Variants in MPO observed in about 807,000 individuals in gnomAD.
MPO encodes myeloperoxidase.
In MPO, 57 loss-of-function variants were observed where a neutral mutation model predicts 69.4. That is an observed-to-expected ratio of 0.82 (90% confidence interval 0.66 to 1.02). The LOEUF (loss-of-function observed/expected upper bound fraction) is 1.02, where lower values mean the gene tolerates loss of function less well. Among genes scored for constraint, MPO ranks in the 50% least tolerant of loss-of-function variants. The pLI is 0.00. For synonymous variants in MPO, 426 were observed against 417.1 expected (o/e 1.02, Z -0.26); for missense variants, 971 against 1,014.1 (o/e 0.96, Z 0.58).
chr17:58,270,174 G>A lies in MPO; in HGVS notation c.*482C>T. 6.9e-6 allele frequency: 2 copies of A among 290,836 alleles called. No individual in the cohort carries two copies. The highest frequency in any genetic ancestry group is 1.3e-5 in the Non-Finnish European group (2 of 149,156). 18.0% of individuals were successfully genotyped at this position (290,836 alleles called of 1,614,324 possible). A position where few individuals can be genotyped will look rare whatever the true frequency, so the allele number is the denominator to read the frequency against. On this transcript the variant is annotated 3_prime_UTR_variant, in exon 12 of 12. Coordinates refer to ENST00000225275, the MANE Select transcript of MPO (RefSeq NM_000250.2). The surrounding 1 kb of genome is among the most constrained non-coding windows in gnomAD (Gnocchi z 4.1). ...CGCCTAGTACAGTGCCTTGCATGTA[G>A]TAGGTGCTCAATAAATGAAGAACCA... is the stretch of plus-strand genomic sequence containing the variant.
Position 58,279,437 on chromosome 17 carries a change from G to T in MPO, c.549-11C>A. On this transcript the variant is annotated splice_polypyrimidine_tract_variant and intron_variant, in intron 4 of 11. Coordinates refer to ENST00000225275, the MANE Select transcript of MPO (RefSeq NM_000250.2). Reference sequence around the variant, plus strand: ...AGCGTGGGGCTGCGTCTGCAGGGGAGGACAGGGCGCTGACACCGGGAGGCT... The same window carrying T: ...AGCGTGGGGCTGCGTCTGCAGGGGATGACAGGGCGCTGACACCGGGAGGCT... 6.2e-7 allele frequency: 1 copy of T among 1,611,210 alleles called. No individual in the cohort carries two copies. The highest frequency in any genetic ancestry group is 8.5e-7 in the Non-Finnish European group (1 of 1,179,030).
chr17:58,275,811 C>T lies in MPO; in HGVS notation c.1205-109G>A. Reference sequence around the variant, plus strand: ...GGCCTGAAATGCCTCCTACTCACCCCTCCTCCCCATCCATCTTTTCAAACT... The same window carrying T: ...GGCCTGAAATGCCTCCTACTCACCCTTCCTCCCCATCCATCTTTTCAAACT... On this transcript the variant is annotated intron_variant, in intron 7 of 11. Transcript: ENST00000225275. The surrounding 1 kb of genome is among the most constrained non-coding windows in gnomAD (Gnocchi z 4.1). The T allele has an allele frequency of 2.3e-6, 3 of 1,303,644 alleles. No individual in the cohort carries two copies. The highest frequency in any genetic ancestry group is 3.2e-6 in the Non-Finnish European group (3 of 924,330). 80.8% of individuals were successfully genotyped at this position (1,303,644 alleles called of 1,614,324 possible).
chr17:58,280,134 T>G (rs1970497818), intron 2 of MPO, 120 bp from the exon 3 acceptor site: 1 of 1,349,056 alleles, frequency 7.4e-7, no homozygotes, highest in South Asian at 1.2e-5. Flanking sequence ...GAGGAAGGCT[T>G]CCTTTTATAA....
chr17:58,276,449 C>G (rs374807699), intron 7 of MPO, among the ~76,000 whole-genome samples: 6 of 152,312 alleles, frequency 3.9e-5, no homozygotes, highest in African/African-American at 1.4e-4. Flanking sequence ...CTCCCAGAAC[C>G]CTTCTCTGCA....
chr17:58,270,529 G>A lies in MPO; in HGVS notation c.*127C>T, dbSNP rs775170924. On this transcript the variant is annotated 3_prime_UTR_variant, in exon 12 of 12. Transcript: ENST00000225275. This position sits in a 1 kb window ranked among gnomAD's most constrained non-coding sequence, Gnocchi z 4.1. The stretch of plus-strand genomic sequence containing the variant: ...CACATACATGAGCACACAAATGAAC[G>A]TCTAGTCACTCATTTTCTCAGCTGC... The A allele has an allele frequency of 2.4e-5, 19 of 801,586 alleles. No homozygotes were observed. The highest frequency in any genetic ancestry group is 4.1e-5 in the Non-Finnish European group (19 of 466,546). 49.7% of individuals were successfully genotyped at this position (801,586 alleles called of 1,614,324 possible).
At chr17:58,280,217 C>T in intron 2 of MPO, 149 bp downstream of exon 2, 1 of 1,029,342 alleles carries the variant, frequency 9.7e-7, no homozygotes, top group Non-Finnish European at 1.5e-6. Flanking sequence ...GTTCTCCCAT[C>T]CAGAAACACA....
In MPO at chr17:58,271,790, T is replaced by G. The variant is rs113300450; in HGVS notation, c.1895A>C (p.Glu632Ala). 2 of 1,614,136 alleles carry G rather than the reference T, an allele frequency of 1.2e-6. No individual in the cohort carries two copies. Among genetic ancestry groups the G allele is most frequent in the Non-Finnish European group, 1.7e-6 (2 of 1,180,030 alleles). The change falls in exon 11 of 12, where the codon GAG (glutamate) becomes GCG (alanine). Residue 632 changes from glutamate (E) to alanine (A), a missense_variant. Physicochemically the swap from Glu to Ala is moderately radical, Grantham distance 107. Transcript: ENST00000225275. ...GATGTTGTTGGGCGTGCCATACTGC[T>G]CCATCAGTTTCCTCGCCAATTTCAG... ...RNLKLARKLM[E>A]QYGTPNNIDI...
intron 4 of MPO, 31 bp downstream of exon 4, chr17:58,279,492 G>C (rs771316671): frequency 3.7e-6 from 6 of 1,612,942 alleles, no homozygotes; most frequent in African/African-American, 1.3e-5. Flanking sequence ...CTCTGAGCCC[G>C]GTTCCTGCAG....
Position 58,279,017 on chromosome 17 carries a change from G to A in MPO, c.876C>T (p.Phe292=), listed in dbSNP as rs762708426. The change falls in exon 6 of 12, where the codon TTC becomes TTT. Residue 292 remains phenylalanine (F), a synonymous_variant. Transcript: ENST00000225275. ...ETSCVQQPPC[F]PLKIPPNDPR... is the part of the protein sequence containing the mutation. Reference sequence around the variant, plus strand: ...CGGGAAGCAGGGCCACCTTGAGCGGGAAGCAGGGCGGCTGCTGAACGCAGC... The same window carrying A: ...CGGGAAGCAGGGCCACCTTGAGCGGAAAGCAGGGCGGCTGCTGAACGCAGC... 6.2e-7 allele frequency: 1 copy of A among 1,609,688 alleles called. No individual in the cohort carries two copies. The highest frequency in any genetic ancestry group is 1.7e-5 in the Admixed American group (1 of 59,720).
Position 58,271,863 on chromosome 17 carries a change from G to T in MPO, c.1822C>A (p.Leu608Ile). 2 of 1,614,140 alleles carry T rather than the reference G, an allele frequency of 1.2e-6. No homozygotes were observed. The highest frequency in any genetic ancestry group is 1.7e-6 in the Non-Finnish European group (2 of 1,180,038). Residue 608 changes from leucine (L) to isoleucine (I), a missense_variant, in exon 11 of 12, where the codon CTC (leucine) becomes ATC (isoleucine). Leu to Ile is a conservative substitution (Grantham distance 5). Transcript: ENST00000225275. The part of the protein sequence containing the change: ...GYNAWRRFCG[L>I]PQPETVGQLG... Reference sequence around the variant, plus strand: ...TGGCCCACAGTTTCAGGCTGCGGGAGCCCACAGAAGCGCCTCCAGGCATTG... The same window carrying T: ...TGGCCCACAGTTTCAGGCTGCGGGATCCCACAGAAGCGCCTCCAGGCATTG...
intron 8 of MPO, 46 bp from the exon 9 acceptor site, chr17:58,273,715 A>T (rs1222082176): frequency 8.7e-6 from 14 of 1,613,928 alleles, no homozygotes; most frequent in Non-Finnish European, 1.2e-5. Flanking sequence ...ACTCCTCCAC[A>T]GCAAATGCCG....
chr17:58,274,259 T>C (rs1433872312), intron 8 of MPO: 7 of 467,678 alleles, frequency 1.5e-5, no homozygotes, highest in Non-Finnish European at 3.0e-5. Context: ...AGAAGTTATT[T>C]TGGAGTGTAA....
In MPO at chr17:58,272,867, T is replaced by C; in HGVS notation, c.1673A>G (p.Asn558Ser). ...ATCCACTGCAATTTGGTTCTGACGA[T>C]TCAGCTTGGCAGGGGTGGCCATGAG... ...RGLMATPAKL[N>S]RQNQIAVDEI... Residue 558 changes from asparagine (N) to serine (S), a missense_variant, in exon 10 of 12, where the codon AAT becomes AGT. By Grantham distance (46) the Asn-to-Ser change is conservative. Transcript: ENST00000225275. 1 of 1,614,186 alleles carries C rather than the reference T, an allele frequency of 6.2e-7. No homozygotes were observed. Among genetic ancestry groups the C allele is most frequent in the Non-Finnish European group, 8.5e-7 (1 of 1,180,044 alleles).
At chr17:58,276,738 A>G (rs1389472126) in intron 7 of MPO, among the ~76,000 whole-genome samples, 3 of 152,230 alleles carry the variant, frequency 2.0e-5, no homozygotes, top group Non-Finnish European at 2.9e-5. Context: ...GGGAGAGACC[A>G]GCAGGAACCA....
At chr17:58,272,544 A>C (rs1470450686) in intron 10 of MPO, among the ~76,000 whole-genome samples, 1 of 152,206 alleles carries the variant, frequency 6.6e-6, no homozygotes, top group Admixed American at 6.5e-5. Context: ...TACAGCATGC[A>C]AAGGAGGTTG....
chr17:58,277,460 A>G (rs1308272354), intron 7 of MPO, among the ~76,000 whole-genome samples: 1 of 152,244 alleles, frequency 6.6e-6, no homozygotes, highest in Non-Finnish European at 1.5e-5. Context: ...GTGTCGCTCT[A>G]GAGGGTGAGG....
In MPO at chr17:58,280,855, C is replaced by A. The variant is rs1970509832; in HGVS notation, c.-97G>T. 15 of 1,429,022 alleles carry A rather than the reference C, an allele frequency of 1.0e-5. No homozygotes were observed. The highest frequency in any genetic ancestry group is 2.0e-5 in the Admixed American group (1 of 50,078). 88.5% of individuals were successfully genotyped at this position (1,429,022 alleles called of 1,614,324 possible). ...AAGCCAGACCTCCTTGAGGGAGGGG[C>A]TCACTGCTCTCTTATCCCCTTGCCA... On this transcript the variant is annotated 5_prime_UTR_variant, in exon 1 of 12. Coordinates refer to ENST00000225275, the MANE Select transcript of MPO (RefSeq NM_000250.2).
chr17:58,273,504 G>A lies in MPO; in HGVS notation c.1531C>T (p.Arg511Cys), dbSNP rs780347527. Residue 511 changes from arginine (R) to cysteine (C), a missense_variant, in exon 9 of 12, where the codon CGC becomes TGC. Coordinates refer to ENST00000225275, the MANE Select transcript of MPO (RefSeq NM_000250.2). ...ATGGGCTGGTACCGATTGTCCAGGC[G>A]GAACATGAAGGGTTGGATGAGGGTG... ...GHTLIQPFMFRLDNRYQPMEP... is the reference protein window; with the variant it reads ...GHTLIQPFMFCLDNRYQPMEP... 5.2e-5 allele frequency: 84 copies of A among 1,614,082 alleles called. No homozygotes were observed. The highest frequency in any genetic ancestry group is 1.2e-4 in the South Asian group (11 of 91,080).
rs763622732 is a variant in MPO at position 58,279,425 on chromosome 17, G to C, written c.550C>G (p.Arg184Gly). The C allele has an allele frequency of 1.9e-6, 3 of 1,610,524 alleles. No individual in the cohort carries two copies. Among genetic ancestry groups the C allele is most frequent in the Non-Finnish European group, 2.5e-6 (3 of 1,178,742 alleles). ...RTITGMCNNR[R>G]SPTLGASNRA... ...TTGGAGGCCCCCAGCGTGGGGCTGCGTCTGCAGGGGAGGACAGGGCGCTGA... is the reference window on the plus strand; with the variant it reads ...TTGGAGGCCCCCAGCGTGGGGCTGCCTCTGCAGGGGAGGACAGGGCGCTGA... Residue 184 changes from arginine to glycine, a missense_variant and splice_region_variant, in exon 5 of 12, where the codon CGC becomes GGC. Coordinates refer to ENST00000225275, the MANE Select transcript of MPO (RefSeq NM_000250.2).
Sources: gnomAD v4.1 joint callset for allele counts (sites outside exome capture counted in the v4.1 genomes callset) on GRCh38, gnomAD v4.1.1 for gene constraint, Gnocchi (gnomAD v3.1) non-coding constraint, MANE v1.5 for transcripts, NCBI Gene and HGNC (gene_info 2026-07-23, HGNC 2026-07-21) for gene names.